TBK1: variants seen among roughly 807,000 people sequenced by gnomAD.
TBK1 encodes TANK binding kinase 1.
In TBK1, 37 loss-of-function variants were observed where a neutral mutation model predicts 99.9. The ratio of observed to expected loss-of-function variants is 0.37; its 90% CI spans 0.28 to 0.49. The LOEUF is 0.49. TBK1 is among the 20% of genes least tolerant of loss of function. TBK1 has a pLI of 0.98. For synonymous variants in TBK1, 258 were observed against 279.8 expected (o/e 0.92, Z 0.78); for missense variants, 644 against 872.5 (o/e 0.74, Z 3.30).
At chr12:64,469,515 G>A (rs1181654845) in intron 5 of TBK1, among the ~76,000 whole-genome samples, 1 of 152,096 alleles carries the variant, frequency 6.6e-6, no homozygotes, top group Non-Finnish European at 1.5e-5. Flanking sequence ...TATTTGGCTA[G>A]ACCATGCTTT....
intron 6 of TBK1, 58 bp downstream of exon 6, chr12:64,474,448 G>T (rs1346885401): frequency 1.3e-6 from 2 of 1,517,236 alleles, no homozygotes; most frequent in Non-Finnish European, 1.8e-6. Flanking sequence ...TTCTGTCTTG[G>T]TTCATCTTAT....
At chr12:64,466,382 G>C (rs750735799) in intron 4 of TBK1, among the ~76,000 whole-genome samples, 2 of 152,258 alleles carry the variant, frequency 1.3e-5, no homozygotes, top group Non-Finnish European at 2.9e-5. Flanking sequence ...TTTTGGAATA[G>C]TGCCAAGCAT....
At chr12:64,464,748 A>G (rs187061622) in intron 4 of TBK1, among the ~76,000 whole-genome samples, 1 of 152,292 alleles carries the variant, frequency 6.6e-6, no homozygotes, top group African/African-American at 2.4e-5. Context: ...CTCAACAATA[A>G]AAAGCCAAAT....
chr12:64,469,159 T>C (rs1341284427), intron 5 of TBK1, among the ~76,000 whole-genome samples: 2 of 152,036 alleles, frequency 1.3e-5, no homozygotes, highest in Admixed American at 1.3e-4. Context: ...AGAACCTAGA[T>C]AGCAGAGGGA....
intron 7 of TBK1, 132 bp downstream of exon 7, chr12:64,480,254 CT>C (rs775763119): frequency 2.1e-5 from 12 of 561,268 alleles, no homozygotes; most frequent in Non-Finnish European, 3.4e-5. Context: ...AAAGCATGTG[CT>C]TTGATAAATG....
Position 64,484,326 on chromosome 12 carries a change from T to C in TBK1, c.1016T>C (p.Val339Ala). Reference protein sequence around the residue: ...YNTATIFHELVYKQTKIISSN... With the variant: ...YNTATIFHELAYKQTKIISSN... Reference sequence around the variant, plus strand: ...AGTGCTACTATATTTCATGAACTGGTATATAAACAAACCAAAATTATTTCT... The same window carrying C: ...AGTGCTACTATATTTCATGAACTGGCATATAAACAAACCAAAATTATTTCT... Residue 339 changes from valine to alanine, a missense_variant, in exon 9 of 21, where the codon GTA becomes GCA. This residue lies in a region of TBK1 where 465 missense variants were observed against 588.0 expected (regional missense o/e 0.79). Coordinates refer to ENST00000331710, the MANE Select transcript of TBK1 (RefSeq NM_013254.4). 1 of 1,612,568 alleles carries C rather than the reference T, an allele frequency of 6.2e-7. No individual in the cohort carries two copies. The highest frequency in any genetic ancestry group is 2.2e-5 in the East Asian group (1 of 44,850).
At chr12:64,478,194 A>G (rs1052373372) in intron 6 of TBK1, among the ~76,000 whole-genome samples, 5 of 152,138 alleles carry the variant, frequency 3.3e-5, no homozygotes, top group African/African-American at 1.2e-4. Flanking sequence ...TCTGTTGCCC[A>G]TGCAGGAGTG....
At chr12:64,493,401 C>T (rs999438497) in intron 13 of TBK1, among the ~76,000 whole-genome samples, 2 of 151,708 alleles carry the variant, frequency 1.3e-5, no homozygotes, top group African/African-American at 4.8e-5. Context: ...CTGAGGTAGG[C>T]GGATCACTTG....
intron 1 of TBK1, among the ~76,000 whole-genome samples, chr12:64,455,249 G>A (rs773742098): frequency 6.6e-6 from 1 of 152,114 alleles, no homozygotes; most frequent in South Asian, 2.1e-4. Context: ...GCCTCCAAAA[G>A]TGCTGAGATT....
intron 2 of TBK1, 148 bp downstream of exon 2, chr12:64,456,105 T>C (rs756025788): frequency 3.7e-5 from 24 of 649,334 alleles, no homozygotes; most frequent in Non-Finnish European, 5.5e-5. Context: ...ATTTAAGGCA[T>C]AGCTGTGTCA....
chr12:64,464,009 A>T (rs969843936), intron 3 of TBK1, among the ~76,000 whole-genome samples: 2 of 151,958 alleles, frequency 1.3e-5, no homozygotes, highest in African/African-American at 4.8e-5. Flanking sequence ...GACTAGAGGC[A>T]TGTGCCACCA....
chr12:64,464,320 A>ATTTTT lies in TBK1; in HGVS notation c.229-8_229-4dup. On this transcript the variant is annotated splice_polypyrimidine_tract_variant and intron_variant, in intron 3 of 20. Transcript: ENST00000331710. Reference sequence around the variant, plus strand: ...TTTTTATGTTGATTCCCAATCAATGATTTTTTTTTTCAGACAACAACAAGA... The same window carrying ATTTTT: ...TTTTTATGTTGATTCCCAATCAATGATTTTTTTTTTTTTTTCAGACAACAACAAGA... 8.3e-7 allele frequency: 1 copy of ATTTTT among 1,210,058 alleles called. No individual in the cohort carries two copies. Among genetic ancestry groups the ATTTTT allele is most frequent in the Non-Finnish European group, 1.1e-6 (1 of 889,596 alleles). The allele number at this position is 1,210,058 out of a possible 1,614,324, so 75.0% of individuals were successfully genotyped here.
At chr12:64,456,266 G>A (rs142007238) in intron 2 of TBK1, among the ~76,000 whole-genome samples, 196 of 152,268 alleles carry the variant, frequency 1.3e-3, no homozygotes, top group Non-Finnish European at 2.2e-3. Context: ...TGATTTCACT[G>A]ACAGAAGTTC....
chr12:64,488,017 G>A (rs563812858), intron 11 of TBK1, among the ~76,000 whole-genome samples: 1 of 152,172 alleles, frequency 6.6e-6, no homozygotes, highest in East Asian at 1.9e-4. Context: ...TCAGATTAGG[G>A]ATGCTTAACC....
Position 64,490,072 on chromosome 12 carries a change from G to T in TBK1, c.1474G>T (p.Ala492Ser). ...AAAGTTGATGAAGATCAACCTGGAA[G>T]CGGCAGAGTTAGGTGAAATTTCAGA... Reference protein sequence around the residue: ...YEKLMKINLEAAELGEISDIH... With the variant: ...YEKLMKINLESAELGEISDIH... The change falls in exon 13 of 21, where the codon GCG becomes TCG. Residue 492 changes from alanine (A) to serine (S), a missense_variant. Physicochemically the swap from Ala to Ser is moderately conservative, Grantham distance 99. Coordinates refer to ENST00000331710, the MANE Select transcript of TBK1 (RefSeq NM_013254.4). 1 of 1,610,910 alleles carries T rather than the reference G, an allele frequency of 6.2e-7. No homozygotes were observed. Among genetic ancestry groups the T allele is most frequent in the Admixed American group, 1.7e-5 (1 of 59,766 alleles).
chr12:64,485,926 G>T lies in TBK1; in HGVS notation c.1249G>T (p.Ala417Ser). The T allele has an allele frequency of 6.4e-7, 1 of 1,559,168 alleles. No homozygotes were observed. The highest frequency in any genetic ancestry group is 1.2e-5 in the South Asian group (1 of 82,578). The change falls in exon 11 of 21, where the codon GCA becomes TCA. Residue 417 changes from alanine (A) to serine (S), a missense_variant and splice_region_variant. Around this residue, in one of 3 missense-constraint regions of TBK1, gnomAD observed 465 missense variants for 588.0 expected, o/e 0.79. Coordinates refer to ENST00000331710, the MANE Select transcript of TBK1 (RefSeq NM_013254.4). ...TATTGACATTTTATTTCTTTATTAG[G>T]CAATAACAGGGGTTGTGTGTTATGC... is the stretch of plus-strand genomic sequence containing the variant. ...DLDGDASMAKAITGVVCYACR... is the reference protein window; with the variant it reads ...DLDGDASMAKSITGVVCYACR...
intron 13 of TBK1, among the ~76,000 whole-genome samples, chr12:64,490,373 A>T (rs2040857669): frequency 6.6e-6 from 1 of 152,174 alleles, no homozygotes; most frequent in East Asian, 1.9e-4. Flanking sequence ...AAATAAATAA[A>T]CTTTCTTATA....
intron 5 of TBK1, among the ~76,000 whole-genome samples, chr12:64,470,488 T>G (rs1039478629): frequency 7.2e-5 from 11 of 152,216 alleles, no homozygotes; most frequent in African/African-American, 2.2e-4. Context: ...AGTATTGTTA[T>G]TGACATGATT....
intron 13 of TBK1, 54 bp from the exon 14 acceptor site, chr12:64,495,429 G>A: frequency 6.3e-7 from 1 of 1,597,126 alleles, no homozygotes; most frequent in South Asian, 1.1e-5. Flanking sequence ...TTGGGACTGT[G>A]ATGATCATTT....
Sources: gnomAD v4.1 joint callset for allele counts (sites outside exome capture counted in the v4.1 genomes callset) on GRCh38, gnomAD v4.1.1 for gene constraint, gnomAD v4.1.1 regional missense constraint, MANE v1.5 for transcripts, NCBI Gene and HGNC (gene_info 2026-07-23, HGNC 2026-07-21) for gene names.